SWAP70: variants seen among roughly 807,000 people sequenced by gnomAD.
The protein encoded by SWAP70 is switch-associated protein 70.
A neutral mutation model predicts 80.2 loss-of-function variants in SWAP70; 34 were observed. The observed-to-expected ratio is 0.42, with a 90% confidence interval of 0.32 to 0.56. SWAP70 has a LOEUF of 0.56. Among genes scored for constraint, SWAP70 ranks in the 20% least tolerant of loss-of-function variants. The pLI is 0.09. For missense variants in SWAP70, 578 were observed against 690.7 expected (o/e 0.84, Z 1.83); for synonymous variants, 239 against 238.5 (o/e 1.00, Z -0.02).
chr11:9,693,950 A>G (rs1446754234), intron 1 of SWAP70, among the ~76,000 whole-genome samples, 196 bp from the exon 2 acceptor site: 2 of 152,138 alleles, frequency 1.3e-5, no homozygotes, highest in African/African-American at 4.8e-5. Context: ...TTCTAAGTGA[A>G]CCAAACCTGG....
chr11:9,716,126 C>T (rs187422770), intron 3 of SWAP70, among the ~76,000 whole-genome samples: 22 of 152,144 alleles, frequency 1.4e-4, no homozygotes, highest in African/African-American at 4.1e-4. Context: ...AGAAGATAGG[C>T]GGTAGATGAA....
rs1431941416 is a variant in SWAP70, at chr11:9,747,967, C to A, written c.1465C>A (p.Arg489Ser). ...EAEKQELENQ[R>S]VLKEQALQEA... The stretch of plus-strand genomic sequence containing the variant: ...GGAGAAGCAGGAGTTGGAGAATCAG[C>A]GTGTCCTGAAGGAACAGGCCCTGCA... The change falls in exon 10 of 12, where the codon CGT becomes AGT. Residue 489 changes from arginine (R) to serine (S), a missense_variant. Coordinates refer to ENST00000318950, the MANE Select transcript of SWAP70 (RefSeq NM_015055.4). 1 of 1,614,164 alleles carries A rather than the reference C, an allele frequency of 6.2e-7. No individual in the cohort carries two copies. Among genetic ancestry groups the A allele is most frequent in the Non-Finnish European group, 8.5e-7 (1 of 1,180,038 alleles).
chr11:9,721,546 A>C (rs368940556), intron 3 of SWAP70, among the ~76,000 whole-genome samples: 36 of 149,416 alleles, frequency 2.4e-4, no homozygotes, highest in African/African-American at 8.9e-4. Flanking sequence ...GTCATAGCTC[A>C]CTGTAACCTC....
chr11:9,678,743 A>G (rs189687973), intron 1 of SWAP70, among the ~76,000 whole-genome samples: 208 of 152,090 alleles, frequency 1.4e-3, no homozygotes, highest in Middle Eastern at 3.4e-3. Flanking sequence ...TCAGCATGCC[A>G]TCACTCAATA....
intron 2 of SWAP70, among the ~76,000 whole-genome samples, chr11:9,695,624 T>G: frequency 7.1e-6 from 1 of 140,578 alleles, no homozygotes. Context: ...CTGTTGGGGG[T>G]TGGGGGATGA....
intron 9 of SWAP70, among the ~76,000 whole-genome samples, chr11:9,746,281 A>G (rs57070018): frequency 0.099 from 15,088 of 152,122 alleles, 1,905 homozygotes; most frequent in East Asian, 0.28. Context: ...GTCTTCTACT[A>G]TGGCAGTTCC....
intron 3 of SWAP70, among the ~76,000 whole-genome samples, chr11:9,716,323 C>T (rs1242760089): frequency 6.6e-6 from 1 of 152,096 alleles, no homozygotes; most frequent in Non-Finnish European, 1.5e-5. Flanking sequence ...ATGGGAAGAA[C>T]CTAGAGGTCA....
At chr11:9,674,046 T>C (rs1196861430) in intron 1 of SWAP70, among the ~76,000 whole-genome samples, 2 of 152,094 alleles carry the variant, frequency 1.3e-5, no homozygotes, top group African/African-American at 4.8e-5. Flanking sequence ...GTTACAGGTG[T>C]ATGCCACCAT....
chr11:9,714,953 C>T (rs1314807453), intron 3 of SWAP70, among the ~76,000 whole-genome samples: 1 of 149,946 alleles, frequency 6.7e-6, no homozygotes, highest in Non-Finnish European at 1.5e-5. Context: ...ATTACAGGTG[C>T]CTGCCACCAC....
At chr11:9,714,172 C>A (rs2133796927) in intron 3 of SWAP70, among the ~76,000 whole-genome samples, 1 of 96,166 alleles carries the variant, frequency 1.0e-5, no homozygotes, top group East Asian at 1.9e-4. Context: ...TCTGTGCTAT[C>A]TAACTGTCCT....
At chr11:9,697,931 C>T (rs1850779806) in intron 2 of SWAP70, among the ~76,000 whole-genome samples, 2 of 151,862 alleles carry the variant, frequency 1.3e-5, no homozygotes, top group South Asian at 2.1e-4. Context: ...ACTACAGCTG[C>T]GTGCCACCAC....
chr11:9,744,884 A>G (rs1328316842), intron 9 of SWAP70, among the ~76,000 whole-genome samples: 3 of 152,168 alleles, frequency 2.0e-5, no homozygotes, highest in Non-Finnish European at 4.4e-5. Flanking sequence ...GTCTCAAAAA[A>G]GAAAAAAACA....
At chr11:9,691,165 G>T (rs1049723232) in intron 1 of SWAP70, among the ~76,000 whole-genome samples, 7 of 152,160 alleles carry the variant, frequency 4.6e-5, no homozygotes, top group Non-Finnish European at 7.3e-5. Context: ...CTATCCTCTT[G>T]TTTCAGCCCC....
chr11:9,686,828 T>A (rs1678713151), intron 1 of SWAP70, among the ~76,000 whole-genome samples: 1 of 152,238 alleles, frequency 6.6e-6, no homozygotes, highest in Admixed American at 6.5e-5. Flanking sequence ...CCCAGGATAC[T>A]GCTATACATT....
At chr11:9,683,522 G>T (rs192546871) in intron 1 of SWAP70, among the ~76,000 whole-genome samples, 1 of 152,336 alleles carries the variant, frequency 6.6e-6, no homozygotes, top group East Asian at 1.9e-4. Flanking sequence ...CAGACCTTTG[G>T]GAGAGTGACT....
At chr11:9,685,457 G>A (rs1850619113) in intron 1 of SWAP70, among the ~76,000 whole-genome samples, 1 of 151,952 alleles carries the variant, frequency 6.6e-6, no homozygotes, top group African/African-American at 2.4e-5. Flanking sequence ...AGCAGATTGA[G>A]TGTCTGGTGA....
At chr11:9,742,429 T>C (rs1459561030) in intron 9 of SWAP70, among the ~76,000 whole-genome samples, 5 of 151,852 alleles carry the variant, frequency 3.3e-5, no homozygotes, top group African/African-American at 9.7e-5. Flanking sequence ...CTCCGCCTCC[T>C]GGGTTCAAGC....
intron 2 of SWAP70, among the ~76,000 whole-genome samples, chr11:9,708,547 C>A (rs1340349119): frequency 6.6e-6 from 1 of 152,152 alleles, no homozygotes; most frequent in South Asian, 2.1e-4. Flanking sequence ...TTCTAAACTC[C>A]TTGAACTGTT....
chr11:9,720,383 G>A, intron 3 of SWAP70: 2 of 985,448 alleles, frequency 2.0e-6, no homozygotes, highest in Non-Finnish European at 2.4e-6. Flanking sequence ...CTAGAGCTGA[G>A]TTTGCTACTA....
Sources: allele counts gnomAD v4.1 joint callset (sites outside exome capture counted in the v4.1 genomes callset), GRCh38; gene constraint gnomAD v4.1.1; transcripts MANE v1.5; gene names NCBI Gene and HGNC (gene_info 2026-07-23, HGNC 2026-07-21).